Variants in TIGAR observed in about 807,000 individuals in gnomAD.
The protein encoded by TIGAR is fructose-2,6-bisphosphatase TIGAR.
In TIGAR, 7 loss-of-function variants were observed where a neutral mutation model predicts 17.9. The ratio of observed to expected loss-of-function variants is 0.39; its 90% confidence interval spans 0.22 to 0.73. The LOEUF is 0.73. TIGAR is among the 30% of genes least tolerant of loss of function. The probability of loss-of-function intolerance (pLI) is 0.42; values close to 1 mark genes in which losing one functional copy is unlikely to be tolerated. For synonymous variants in TIGAR, 94 were observed against 108.6 expected (o/e 0.87, Z 0.84); for missense variants, 258 against 327.4 (o/e 0.79, Z 1.64).
At position 4,356,237 on chromosome 12, in the gene TIGAR, C is replaced by T. The variant is rs1463259578; in HGVS notation, c.*3546C>T. ...GGCAGGGACCAGGCCAGAGTGCCTC[C>T]AATGGCTAACTAAGGAGCCTGGACA... On this transcript the variant is annotated 3_prime_UTR_variant, in exon 6 of 6. Coordinates refer to ENST00000179259, the MANE Select transcript of TIGAR (RefSeq NM_020375.3). 2.0e-5 allele frequency among the ~76,000 whole-genome samples: 3 copies of T among 152,164 alleles called. No individual in the cohort carries two copies. Among genetic ancestry groups the T allele is most frequent in the Non-Finnish European group, 4.4e-5 (3 of 68,028 alleles).
At position 4,354,211 on chromosome 12, in the gene TIGAR, C is replaced by G. The variant is rs1247957254; in HGVS notation, c.*1520C>G. 3.3e-5 allele frequency: 5 copies of G among 152,122 alleles called. No individual in the cohort carries two copies. Among genetic ancestry groups the G allele is most frequent in the African/African-American group, 1.2e-4 (5 of 41,410 alleles). The allele number at this position is 152,122 out of a possible 1,614,324, so 9.4% of individuals were successfully genotyped here. A position where few individuals can be genotyped will look rare whatever the true frequency, so the allele number is the denominator to read the frequency against. On this transcript the variant is annotated 3_prime_UTR_variant, in exon 6 of 6. Coordinates refer to ENST00000179259, the MANE Select transcript of TIGAR (RefSeq NM_020375.3). ...CAGTATTATATTGTTCTTAGTGTGT[C>G]TAGCACTACCAGTTTTCTACCAGTA... is the stretch of plus-strand genomic sequence containing the variant.
chr12:4,349,871 A>G lies in TIGAR; in HGVS notation c.245A>G (p.Lys82Arg), dbSNP rs573451719. The G allele has an allele frequency of 1.3e-6, 2 of 1,574,736 alleles. No homozygotes were observed. Among genetic ancestry groups the G allele is most frequent in the Non-Finnish European group, 1.7e-6 (2 of 1,166,586 alleles). Residue 82 changes from lysine (K) to arginine (R), a missense_variant, in exon 4 of 6, where the codon AAG becomes AGG. Physicochemically the swap from Lys to Arg is conservative, Grantham distance 26 (BLOSUM62 2). Transcript: ENST00000179259. ...AAATTTTGCAAAGATATGACGGTAA[A>G]GTATGACTCAAGACTTCGGGAAAGG... is the stretch of plus-strand genomic sequence containing the variant. ...RSKFCKDMTV[K>R]YDSRLRERKY...
rs1309330371 is a variant in TIGAR, at chr12:4,357,508, C to T, written c.*4817C>T. 6.6e-6 allele frequency among the ~76,000 whole-genome samples: 1 copy of T among 152,126 alleles called. No individual in the cohort carries two copies. The highest frequency in any genetic ancestry group is 1.5e-5 in the Non-Finnish European group (1 of 68,016). ...TGTTTCATGTAAATGTTGCTTTTTA[C>T]CCCTCTTTCTTTGGGCCCCATCAAT... On this transcript the variant is annotated 3_prime_UTR_variant, in exon 6 of 6. Transcript: ENST00000179259.
chr12:4,330,124 C>G (rs1315775894), intron 1 of TIGAR, among the ~76,000 whole-genome samples: 3 of 152,042 alleles, frequency 2.0e-5, no homozygotes, highest in Non-Finnish European at 4.4e-5. Flanking sequence ...AGGATGAGGC[C>G]TGAGTTTGTG....
At chr12:4,334,381 C>T (rs1364462734) in intron 2 of TIGAR, among the ~76,000 whole-genome samples, 1 of 152,130 alleles carries the variant, frequency 6.6e-6, no homozygotes, top group African/African-American at 2.4e-5. Context: ...AGGGCTCCAC[C>T]CTAGGATCTA....
chr12:4,344,836 G>A (rs1172599166), intron 3 of TIGAR, among the ~76,000 whole-genome samples: 2 of 152,182 alleles, frequency 1.3e-5, no homozygotes, highest in African/African-American at 2.4e-5. Context: ...GTCCCTGTTT[G>A]CAGATGACAT....
At chr12:4,331,698 T>C (rs1864604999) in intron 2 of TIGAR, among the ~76,000 whole-genome samples, 1 of 152,226 alleles carries the variant, frequency 6.6e-6, no homozygotes, top group Non-Finnish European at 1.5e-5. Flanking sequence ...GCTAAGATGG[T>C]TATTTTAATT....
chr12:4,324,323 CTT>C (rs34096957), intron 1 of TIGAR: 18,994 of 607,970 alleles, frequency 0.031, no homozygotes, highest in Non-Finnish European at 0.034. Context: ...ATTTAACTTC[CTT>C]TTTTTTTTTT....
chr12:4,331,332 A>G lies in TIGAR; in HGVS notation c.70+15A>G, dbSNP rs770198603. 6.2e-7 allele frequency: 1 copy of G among 1,606,472 alleles called. No homozygotes were observed. Among genetic ancestry groups the G allele is most frequent in the Non-Finnish European group, 8.5e-7 (1 of 1,173,110 alleles). ...AATAATCCAAGGTTGGTATAATCCG[A>G]TTGTTATTTTAGCTCTCACCCTTGT... On this transcript the variant is annotated intron_variant, in intron 2 of 5. Coordinates refer to ENST00000179259, the MANE Select transcript of TIGAR (RefSeq NM_020375.3).
At chr12:4,324,464 G>A in intron 1 of TIGAR, 5 of 1,583,826 alleles carry the variant, frequency 3.2e-6, no homozygotes, top group Non-Finnish European at 2.6e-6. Context: ...AACTCGCCCA[G>A]GTAGTGACTG....
Position 4,342,044 on chromosome 12 carries a change from A to C in TIGAR, c.192+4884A>C, listed in dbSNP as rs562589168. ...ACCAATGCAGAGAAGTCCTTAAAGG[A>C]CCTGATGGAGCTGAAAACCATGGCA... On this transcript the variant is annotated intron_variant, in intron 3 of 5. Transcript: ENST00000179259. Among the ~76,000 whole-genome samples, 250 of 152,312 alleles carry C rather than the reference A, an allele frequency of 1.6e-3. 2 individuals are homozygous for C. The highest frequency in any genetic ancestry group is 4.1e-4 in the Non-Finnish European group (28 of 68,038).
Position 4,352,543 on chromosome 12 carries a change from G to A in TIGAR, c.665G>A (p.Ser222Asn), listed in dbSNP as rs373591430. 7.4e-6 allele frequency: 12 copies of A among 1,613,956 alleles called. No homozygotes were observed. In the African/African-American group the frequency reaches 1.2e-4, roughly 16 times the overall value. ...DLKCSLPATL[S>N]RSELMSVTPN... ...AAGTGTTCCTTACCAGCCACTCTGA[G>A]CAGATCTGAACTTATGTCAGTCACT... The change falls in exon 6 of 6, where the codon AGC (serine) becomes AAC (asparagine). Residue 222 changes from serine (S) to asparagine (N), a missense_variant. Ser to Asn is a conservative substitution (Grantham distance 46). Transcript: ENST00000179259.
intron 1 of TIGAR, among the ~76,000 whole-genome samples, chr12:4,327,805 C>T (rs536721698): frequency 6.6e-6 from 1 of 151,742 alleles, no homozygotes; most frequent in Admixed American, 6.6e-5. Context: ...GTCGCTGGGA[C>T]TACAGGCACA....
chr12:4,340,447 T>A (rs901502591), intron 3 of TIGAR, among the ~76,000 whole-genome samples: 5 of 152,052 alleles, frequency 3.3e-5, no homozygotes, highest in African/African-American at 1.2e-4. Context: ...ATTAGAAGAG[T>A]CAATATTGTT....
At chr12:4,335,892 C>T (rs1229942665) in intron 2 of TIGAR, among the ~76,000 whole-genome samples, 1 of 152,176 alleles carries the variant, frequency 6.6e-6, no homozygotes, top group Non-Finnish European at 1.5e-5. Context: ...CCCTCCAGCC[C>T]CCAGCAATCC....
At chr12:4,336,494 A>ACACT (rs1491391982) in intron 2 of TIGAR, among the ~76,000 whole-genome samples, 3 of 137,628 alleles carry the variant, frequency 2.2e-5, no homozygotes, top group Admixed American at 7.4e-5. Flanking sequence ...ACACACACAC[A>ACACT]CTCACACACA....
chr12:4,359,362 G>A lies in TIGAR; in HGVS notation c.*6671G>A, dbSNP rs1329299912. On this transcript the variant is annotated 3_prime_UTR_variant, in exon 6 of 6. Coordinates refer to ENST00000179259, the MANE Select transcript of TIGAR (RefSeq NM_020375.3). ...GTGACATAATCTCATCCTTCTTTAA[G>A]TACTTTCTTTCTGGTATTAACAATA... 6.6e-6 allele frequency among the ~76,000 whole-genome samples: 1 copy of A among 151,930 alleles called. No individual in the cohort carries two copies. The highest frequency in any genetic ancestry group is 1.5e-5 in the Non-Finnish European group (1 of 67,998).
intron 3 of TIGAR, among the ~76,000 whole-genome samples, chr12:4,342,068 C>T (rs1864729201): frequency 6.6e-6 from 1 of 152,166 alleles, no homozygotes; most frequent in Non-Finnish European, 1.5e-5. Context: ...AAAACCATGG[C>T]ATGAGAACTA....
intron 3 of TIGAR, among the ~76,000 whole-genome samples, chr12:4,342,279 C>T (rs980067294): frequency 6.6e-5 from 10 of 152,132 alleles, no homozygotes; most frequent in African/African-American, 1.9e-4. Context: ...CTGAAAGTGA[C>T]AGGGAGAATG....
Sources: allele counts gnomAD v4.1 joint callset (sites outside exome capture counted in the v4.1 genomes callset), GRCh38; gene constraint gnomAD v4.1.1; transcripts MANE v1.5; gene names NCBI Gene and HGNC (gene_info 2026-07-23, HGNC 2026-07-21).